The following CSMD3 variants were observed in gnomAD, a reference collection of about 807,000 sequenced individuals.
CSMD3 encodes CUB and Sushi multiple domains 3.
A neutral mutation model predicts 435.2 loss-of-function variants in CSMD3; 177 were observed. The ratio of observed to expected loss-of-function variants is 0.41; its 90% CI spans 0.36 to 0.46. CSMD3 has a LOEUF of 0.46. Among genes scored for constraint, CSMD3 ranks in the 20% least tolerant of loss-of-function variants. The pLI is 0.34. For synonymous variants in CSMD3, 1,656 were observed against 1,520.5 expected (o/e 1.09, Z -2.07); for missense variants, 4,265 against 4,504.6 (o/e 0.95, Z 1.52).
chr8:112,234,361 T>G lies in CSMD3; in HGVS notation c.10740+4A>C. 1.9e-6 allele frequency: 3 copies of G among 1,570,796 alleles called. No homozygotes were observed. Among genetic ancestry groups the G allele is most frequent in the Non-Finnish European group, 2.6e-6 (3 of 1,141,300 alleles). On this transcript the variant is annotated splice_donor_region_variant and intron_variant, in intron 68 of 70. Transcript: ENST00000297405. Reference sequence around the variant, plus strand: ...GCAGCAGATGTTAAAATAACTATACTTACAAAGCCATCCATTGCCCAATTT... The same window carrying G: ...GCAGCAGATGTTAAAATAACTATACGTACAAAGCCATCCATTGCCCAATTT...
At chr8:113,196,633 G>C (rs1247475623) in intron 3 of CSMD3, among the ~76,000 whole-genome samples, 3 of 151,090 alleles carry the variant, frequency 2.0e-5, no homozygotes, top group Admixed American at 6.6e-5. Context: ...ACAGAGAGCA[G>C]GAGAAGACTA....
At chr8:112,676,085 C>T (rs1210038423) in intron 16 of CSMD3, among the ~76,000 whole-genome samples, 1 of 151,996 alleles carries the variant, frequency 6.6e-6, no homozygotes, top group East Asian at 1.9e-4. Flanking sequence ...GTGACAACAG[C>T]AGGTTTAGAG....
Position 112,408,402 on chromosome 8 carries a change from G to A in CSMD3, c.5521C>T (p.Pro1841Ser), listed in dbSNP as rs768183010. Residue 1841 changes from proline to serine, a missense_variant, in exon 34 of 71, where the codon CCA becomes TCA. Physicochemically the swap from Pro to Ser is moderately conservative, Grantham distance 74 (BLOSUM62 -1). Transcript: ENST00000297405. ...GTGATCTGATTACCTGAACTCAGTG[G>A]AAGTGATTCTCCTACTCAACAAAAC... is the stretch of plus-strand genomic sequence containing the variant. ...LSGSHSGESL[P>S]LSSGNQITIR... 1 of 1,602,644 alleles carries A rather than the reference G, an allele frequency of 6.2e-7. No individual in the cohort carries two copies. The highest frequency in any genetic ancestry group is 1.1e-5 in the South Asian group (1 of 90,878).
intron 31 of CSMD3, among the ~76,000 whole-genome samples, chr8:112,481,808 T>C (rs1819643773): frequency 6.6e-6 from 1 of 152,188 alleles, no homozygotes; most frequent in South Asian, 2.1e-4. Flanking sequence ...TTAAAATTAC[T>C]ACTGTTTGTT....
At chr8:112,870,229 C>T (rs1587528830) in intron 10 of CSMD3, among the ~76,000 whole-genome samples, 1 of 149,812 alleles carries the variant, frequency 6.7e-6, no homozygotes, top group Admixed American at 6.7e-5. Flanking sequence ...AATTGCAAAT[C>T]AAAACCACAA....
intron 1 of CSMD3, among the ~76,000 whole-genome samples, chr8:113,322,282 A>T (rs1324169586): frequency 6.6e-6 from 1 of 152,156 alleles, no homozygotes; most frequent in Non-Finnish European, 1.5e-5. Context: ...AAATTATCCT[A>T]TCTTCTCATG....
chr8:112,400,838 C>G (rs1056127150), intron 35 of CSMD3, among the ~76,000 whole-genome samples: 1 of 152,062 alleles, frequency 6.6e-6, no homozygotes, highest in East Asian at 1.9e-4. Context: ...ATTTGAAATA[C>G]AAAAACACTT....
At chr8:112,786,229 CAGA>C (rs1207398965) in intron 13 of CSMD3, among the ~76,000 whole-genome samples, 2 of 152,068 alleles carry the variant, frequency 1.3e-5, no homozygotes, top group African/African-American at 2.4e-5. Context: ...TGTTCATATG[CAGA>C]AGAAGGAAGC....
intron 4 of CSMD3, among the ~76,000 whole-genome samples, chr8:113,147,700 C>T (rs2091709185): frequency 6.6e-6 from 1 of 151,634 alleles, no homozygotes; most frequent in South Asian, 2.1e-4. Context: ...TACTTTGCCA[C>T]TTGGCTGTCT....
chr8:112,814,672 ACT>A (rs2079322574), intron 12 of CSMD3, among the ~76,000 whole-genome samples: 1 of 152,064 alleles, frequency 6.6e-6, no homozygotes, highest in African/African-American at 2.4e-5. Context: ...AATCCCAGCT[ACT>A]GGGGGGCTGA....
At chr8:112,513,168 A>C (rs976144122) in intron 28 of CSMD3, among the ~76,000 whole-genome samples, 2 of 152,166 alleles carry the variant, frequency 1.3e-5, no homozygotes, top group African/African-American at 4.8e-5. Context: ...TAGAATTTTC[A>C]ATTTCTGTCA....
chr8:112,894,542 T>C (rs1290988411), intron 10 of CSMD3, among the ~76,000 whole-genome samples: 1 of 151,300 alleles, frequency 6.6e-6, no homozygotes, highest in Non-Finnish European at 1.5e-5. Flanking sequence ...CTCATCTCAA[T>C]AGAAAATGAA....
chr8:112,989,189 T>C (rs2085358786), intron 6 of CSMD3, among the ~76,000 whole-genome samples: 1 of 152,000 alleles, frequency 6.6e-6, no homozygotes, highest in Admixed American at 6.6e-5. Context: ...CACAAAGTGA[T>C]TTTTGAGCTA....
At chr8:112,366,088 A>G (rs556838166) in intron 38 of CSMD3, among the ~76,000 whole-genome samples, 41 of 152,320 alleles carry the variant, frequency 2.7e-4, no homozygotes, top group African/African-American at 9.4e-4. Context: ...CTGAAGACAA[A>G]GCACAACCAA....
chr8:112,241,045 G>A (rs537196958), intron 66 of CSMD3, among the ~76,000 whole-genome samples: 15 of 152,076 alleles, frequency 9.9e-5, no homozygotes, highest in African/African-American at 3.1e-4. Context: ...GTGTGAAAAC[G>A]AACTAATACA....
At chr8:112,636,052 T>C (rs1311734145) in intron 22 of CSMD3, among the ~76,000 whole-genome samples, 1 of 152,146 alleles carries the variant, frequency 6.6e-6, no homozygotes, top group African/African-American at 2.4e-5. Flanking sequence ...GATGTACTGA[T>C]AATCACTAAA....
At chr8:112,492,777 C>T (rs747939548) in intron 30 of CSMD3, 94 bp from the exon 31 acceptor site, 13 of 1,022,650 alleles carry the variant, frequency 1.3e-5, no homozygotes, top group Non-Finnish European at 1.9e-5. Context: ...CAGCCAACTG[C>T]AGATTGAAAA....
chr8:112,466,815 G>T (rs1393729240), intron 32 of CSMD3, among the ~76,000 whole-genome samples: 1 of 152,036 alleles, frequency 6.6e-6, no homozygotes, highest in Non-Finnish European at 1.5e-5. Flanking sequence ...AATACATTTA[G>T]TGAATATAAT....
At chr8:112,910,513 G>A (rs2082380726) in intron 10 of CSMD3, among the ~76,000 whole-genome samples, 1 of 151,724 alleles carries the variant, frequency 6.6e-6, no homozygotes, top group Admixed American at 6.6e-5. Flanking sequence ...CACCTCAAGG[G>A]AGAGTATGTG....
Sources: gnomAD v4.1 joint callset for allele counts (sites outside exome capture counted in the v4.1 genomes callset) on GRCh38, gnomAD v4.1.1 for gene constraint, MANE v1.5 for transcripts, NCBI Gene and HGNC (gene_info 2026-07-23, HGNC 2026-07-21) for gene names.